MRTFB: variants seen among roughly 807,000 people sequenced by gnomAD.
The protein encoded by MRTFB is myocardin-related transcription factor B.
A neutral mutation model predicts 104.2 loss-of-function variants in MRTFB; 29 were observed. The ratio of observed to expected loss-of-function variants is 0.28; its 90% CI spans 0.21 to 0.38. The LOEUF (loss-of-function observed/expected upper bound fraction) is 0.38, where lower values mean the gene tolerates loss of function less well. MRTFB is among the 10% of genes least tolerant of loss of function. The probability of loss-of-function intolerance (pLI) is 1.00; values close to 1 mark genes in which losing one functional copy is unlikely to be tolerated. For synonymous variants in MRTFB, 535 were observed against 519.5 expected, an observed-to-expected ratio of 1.03 and a Z score of -0.41; for missense variants, 1,270 against 1,341.6, an observed-to-expected ratio of 0.95 and a Z score of 0.83.
chr16:14,127,636 C>CT (rs1466661803), intron 2 of MRTFB, among the ~76,000 whole-genome samples: 23 of 142,918 alleles, frequency 1.6e-4, no homozygotes, highest in African/African-American at 5.9e-4. Flanking sequence ...GAGCGAGACT[C>CT]TGTCTCAAAA....
the MRTFB span, among the ~76,000 whole-genome samples, chr16:14,046,520 T>G: frequency 6.6e-6 from 1 of 152,044 alleles, no homozygotes; most frequent in African/African-American, 2.4e-5. Context: ...CAGCAAAACC[T>G]CATATTGGGT....
At chr16:14,064,354 A>G in the MRTFB span, among the ~76,000 whole-genome samples, 1 of 152,154 alleles carries the variant, frequency 6.6e-6, no homozygotes, top group Admixed American at 6.5e-5. Context: ...AGTTCCTTAT[A>G]GATTTTGGAA....
chr16:14,022,682 T>C, the MRTFB span, among the ~76,000 whole-genome samples: 2 of 151,704 alleles, frequency 1.3e-5, no homozygotes, highest in Non-Finnish European at 2.9e-5. Context: ...TGAGCCACCA[T>C]GCCCGGCCAT....
intron 3 of MRTFB, among the ~76,000 whole-genome samples, chr16:14,174,692 A>G (rs2039526748): frequency 6.6e-6 from 1 of 152,138 alleles, no homozygotes; most frequent in African/African-American, 2.4e-5. Flanking sequence ...CCCACCCCCC[A>G]GAAAAAAATG....
At chr16:14,074,544 A>G (rs1395635039) in intron 1 of MRTFB, among the ~76,000 whole-genome samples, 1 of 152,180 alleles carries the variant, frequency 6.6e-6, no homozygotes, top group Admixed American at 6.5e-5. Flanking sequence ...TAAGATGCAT[A>G]TGTGAGATAG....
intron 3 of MRTFB, among the ~76,000 whole-genome samples, chr16:14,202,475 G>A (rs2040750396): frequency 6.6e-6 from 1 of 152,120 alleles, no homozygotes; most frequent in East Asian, 1.9e-4. Flanking sequence ...GGGCTCAGAA[G>A]GAGACCCTTC....
chr16:14,153,254 G>A (rs1366209215), intron 3 of MRTFB: 1 of 152,120 alleles, frequency 6.6e-6, no homozygotes, highest in African/African-American at 2.4e-5. Flanking sequence ...GTGTGTTACT[G>A]TTTCTCTCAA....
chr16:14,204,045 C>T (rs2040835670), intron 3 of MRTFB, among the ~76,000 whole-genome samples: 1 of 152,114 alleles, frequency 6.6e-6, no homozygotes, highest in Non-Finnish European at 1.5e-5. Context: ...ACTGTATAGC[C>T]TCGAACTCCT....
At chr16:14,016,485 G>C in the MRTFB span, among the ~76,000 whole-genome samples, 1 of 152,018 alleles carries the variant, frequency 6.6e-6, no homozygotes. Context: ...AAAGGACTCT[G>C]ACCTAGGCTG....
At chr16:14,015,564 A>G in the MRTFB span, among the ~76,000 whole-genome samples, 1 of 152,176 alleles carries the variant, frequency 6.6e-6, no homozygotes, top group Non-Finnish European at 1.5e-5. Flanking sequence ...GAAATTGCAG[A>G]CAAATTTTGC....
Position 14,122,313 on chromosome 16 carries a change from C to G in MRTFB, c.-63-18231C>G, listed in dbSNP as rs114167990. ...CTTTTTTTTTATTATACTTTAAGTTCTGGGGTACATGTGTAGAATATGCAG... is the reference window on the plus strand; with the variant it reads ...CTTTTTTTTTATTATACTTTAAGTTGTGGGGTACATGTGTAGAATATGCAG... On this transcript the variant is annotated intron_variant, in intron 2 of 16. Coordinates refer to ENST00000571589, the MANE Select transcript of MRTFB (RefSeq NM_001308142.2). 3.5e-3 allele frequency among the ~76,000 whole-genome samples: 518 copies of G among 148,368 alleles called. 3 individuals carry two copies. Among genetic ancestry groups the G allele is most frequent in the African/African-American group, 0.012 (501 of 40,688 alleles).
intron 9 of MRTFB, among the ~76,000 whole-genome samples, chr16:14,237,361 C>T (rs1010389513): frequency 1.3e-5 from 2 of 152,148 alleles, no homozygotes; most frequent in African/African-American, 4.8e-5. Context: ...CACGATGTTT[C>T]AAGAAGAAGG....
At chr16:14,233,654 G>T (rs116116088) in intron 8 of MRTFB, among the ~76,000 whole-genome samples, 95 of 152,016 alleles carry the variant, frequency 6.2e-4, no homozygotes, top group African/African-American at 2.2e-3. Flanking sequence ...GCGGAGTGTG[G>T]TGGTACATGC....
rs111856606 is a variant in MRTFB, at chr16:14,180,390, G to T, written c.155-29853G>T. ...GAGGAAGACTGATCATATCATCTGAGGAAAGTTCTTTGTTGTAAATCTTGT... is the reference window on the plus strand; with the variant it reads ...GAGGAAGACTGATCATATCATCTGATGAAAGTTCTTTGTTGTAAATCTTGT... On this transcript the variant is annotated intron_variant, in intron 3 of 16. Coordinates refer to ENST00000571589, the MANE Select transcript of MRTFB (RefSeq NM_001308142.2). 6.4e-3 allele frequency among the ~76,000 whole-genome samples: 972 copies of T among 152,314 alleles called. 9 individuals carry two copies. Among genetic ancestry groups the T allele is most frequent in the African/African-American group, 0.022 (917 of 41,570 alleles).
intron 2 of MRTFB, among the ~76,000 whole-genome samples, chr16:14,107,982 T>C (rs2036075562): frequency 6.6e-6 from 1 of 152,210 alleles, no homozygotes; most frequent in South Asian, 2.1e-4. Context: ...CACCCCTGCC[T>C]TCTATTCCTA....
At chr16:14,176,150 C>G (rs777324421) in intron 3 of MRTFB, among the ~76,000 whole-genome samples, 2 of 152,084 alleles carry the variant, frequency 1.3e-5, no homozygotes, top group Non-Finnish European at 2.9e-5. Context: ...AAATATATAA[C>G]AAGTAGTTTT....
intron 3 of MRTFB, chr16:14,193,570 C>G (rs1305536218): frequency 6.6e-6 from 1 of 152,206 alleles, no homozygotes; most frequent in Non-Finnish European, 1.5e-5. Flanking sequence ...TTATTTTATT[C>G]AATATCCCTC....
the MRTFB span, among the ~76,000 whole-genome samples, chr16:14,057,328 G>A: frequency 0.036 from 5,452 of 152,132 alleles, 165 homozygotes; most frequent in Non-Finnish European, 0.061. Context: ...ACTGTCACCC[G>A]ATGGCCCTCT....
intron 15 of MRTFB, among the ~76,000 whole-genome samples, chr16:14,252,927 T>C (rs1289605384): frequency 6.6e-6 from 1 of 152,132 alleles, no homozygotes; most frequent in East Asian, 1.9e-4. Flanking sequence ...CTAAATTGAC[T>C]TGGTCTCTCT....
Sources: gnomAD v4.1 joint callset for allele counts (sites outside exome capture counted in the v4.1 genomes callset) on GRCh38, gnomAD v4.1.1 for gene constraint, MANE v1.5 for transcripts, NCBI Gene and HGNC (gene_info 2026-07-23, HGNC 2026-07-21) for gene names.